GNAT3: variants seen among roughly 807,000 people sequenced by gnomAD.
GNAT3 encodes G protein subunit alpha transducin 3, also known as guanine nucleotide-binding protein G(t) subunit alpha-3.
In GNAT3, 31 loss-of-function variants were observed where a neutral mutation model predicts 37.7. That is an observed-to-expected ratio of 0.82 (90% CI 0.62 to 1.11). GNAT3 has a LOEUF of 1.11. Ranked by LOEUF, GNAT3 falls within the 50% of genes most tolerant of loss-of-function variation. The pLI is 0.00. For synonymous variants in GNAT3, 138 were observed against 139.8 expected (o/e 0.99, Z 0.09); for missense variants, 437 against 412.5 (o/e 1.06, Z -0.51).
intron 5 of GNAT3, among the ~76,000 whole-genome samples, chr7:80,470,161 T>C (rs1790185306): frequency 1.3e-5 from 2 of 152,144 alleles, no homozygotes; most frequent in Admixed American, 6.6e-5. Context: ...AAAAACAAGC[T>C]TGATACCTGT....
At chr7:80,497,599 T>TATAC (rs1562732863) in intron 1 of GNAT3, among the ~76,000 whole-genome samples, 1 of 119,904 alleles carries the variant, frequency 8.3e-6, no homozygotes, top group African/African-American at 4.6e-5. Flanking sequence ...TATACGTATA[T>TATAC]ACATATACGT....
chr7:80,488,467 T>C, intron 3 of GNAT3, 68 bp downstream of exon 3: 1 of 1,291,956 alleles, frequency 7.7e-7, no homozygotes, highest in South Asian at 1.4e-5. Context: ...ATGAACTTAT[T>C]AAGTCCTCTT....
chr7:80,474,466 T>C (rs2116161999), intron 4 of GNAT3, 87 bp from the exon 5 acceptor site: 5 of 539,798 alleles, frequency 9.3e-6, no homozygotes. Flanking sequence ...TACATACATA[T>C]ATATGTGTGT....
At chr7:80,495,731 T>G (rs1215377929) in intron 1 of GNAT3, among the ~76,000 whole-genome samples, 1 of 152,108 alleles carries the variant, frequency 6.6e-6, no homozygotes, top group Non-Finnish European at 1.5e-5. Context: ...CCTCCCAAAG[T>G]GCAGGATTAC....
chr7:80,488,674 A>T lies in GNAT3; in HGVS notation c.164T>A (p.Ile55Asn). The change falls in exon 3 of 8, where the codon ATC (isoleucine) becomes AAC (asparagine). Residue 55 changes from isoleucine to asparagine, a missense_variant and splice_region_variant. Ile to Asn is a moderately radical substitution (Grantham distance 149). Coordinates refer to ENST00000398291, the MANE Select transcript of GNAT3 (RefSeq NM_001102386.3). ...GKSTIVKQMK[I>N]IHKNGYSEQE... ...CTCACTGTAACCATTCTTATGGATG[A>T]TCCTATAATTTAAACATGAAAAGTT... The T allele has an allele frequency of 1.3e-6, 2 of 1,568,150 alleles. No individual in the cohort carries two copies. The highest frequency in any genetic ancestry group is 1.7e-6 in the Non-Finnish European group (2 of 1,153,100).
chr7:80,471,585 G>A (rs1483167859), intron 5 of GNAT3, among the ~76,000 whole-genome samples: 1 of 151,876 alleles, frequency 6.6e-6, no homozygotes, highest in South Asian at 2.1e-4. Flanking sequence ...TCCCCAAAAG[G>A]CTGTCATTTT....
intron 5 of GNAT3, among the ~76,000 whole-genome samples, chr7:80,469,076 T>C (rs146889193): frequency 2.6e-4 from 39 of 152,246 alleles, no homozygotes; most frequent in African/African-American, 9.1e-4. Flanking sequence ...ATGTAGCTGC[T>C]GGATGGACAG....
At chr7:80,488,443 T>C in intron 3 of GNAT3, 92 bp downstream of exon 3, 1 of 880,696 alleles carries the variant, frequency 1.1e-6, no homozygotes, top group Non-Finnish European at 1.6e-6. Flanking sequence ...AAATTTTGGA[T>C]ATAGATTAAT....
intron 5 of GNAT3, among the ~76,000 whole-genome samples, chr7:80,463,103 T>A (rs905006780): frequency 3.3e-5 from 5 of 152,146 alleles, no homozygotes; most frequent in African/African-American, 1.2e-4. Context: ...CTGTGCTAGG[T>A]CTACTAGCAC....
chr7:80,467,352 G>T (rs185091607), intron 5 of GNAT3, among the ~76,000 whole-genome samples: 1 of 152,220 alleles, frequency 6.6e-6, no homozygotes, highest in East Asian at 1.9e-4. Flanking sequence ...TGACGTAGGA[G>T]ACATAGGTCC....
At chr7:80,480,589 G>A (rs1028459551) in intron 3 of GNAT3, among the ~76,000 whole-genome samples, 20 of 152,128 alleles carry the variant, frequency 1.3e-4, no homozygotes, top group African/African-American at 4.6e-4. Flanking sequence ...GAGCAGCCCC[G>A]AGGGCTGCTG....
intron 1 of GNAT3, among the ~76,000 whole-genome samples, chr7:80,499,951 G>T (rs947416016): frequency 6.6e-6 from 1 of 152,094 alleles, no homozygotes; most frequent in Non-Finnish European, 1.5e-5. Context: ...TCTATTATTT[G>T]AAGAATGTGC....
chr7:80,510,554 G>A (rs1473140219), intron 1 of GNAT3, among the ~76,000 whole-genome samples: 2 of 152,052 alleles, frequency 1.3e-5, no homozygotes, highest in Non-Finnish European at 2.9e-5. Context: ...CTCTTGCTCA[G>A]AAACTAACAG....
At chr7:80,479,067 T>A in intron 3 of GNAT3, 69 bp from the exon 4 acceptor site, 2 of 1,038,464 alleles carry the variant, frequency 1.9e-6, no homozygotes, top group Non-Finnish European at 2.8e-6. Context: ...TCTAATAGAG[T>A]AATTTACTGG....
chr7:80,465,432 G>A (rs142821826), intron 5 of GNAT3, among the ~76,000 whole-genome samples: 6 of 152,210 alleles, frequency 3.9e-5, no homozygotes, highest in Non-Finnish European at 5.9e-5. Flanking sequence ...TGCAAGGTAG[G>A]TAAGTTTAGC....
At chr7:80,489,733 A>G (rs1790556086) in intron 2 of GNAT3, among the ~76,000 whole-genome samples, 2 of 152,118 alleles carry the variant, frequency 1.3e-5, no homozygotes, top group Non-Finnish European at 2.9e-5. Context: ...TAACTTACAT[A>G]AGTAAATAAA....
chr7:80,459,771 A>G (rs1296550730), intron 7 of GNAT3, among the ~76,000 whole-genome samples: 1 of 152,228 alleles, frequency 6.6e-6, no homozygotes, highest in Non-Finnish European at 1.5e-5. Context: ...TTGTAACTAG[A>G]AACAAAATTC....
intron 4 of GNAT3, among the ~76,000 whole-genome samples, chr7:80,478,261 C>T (rs140887241): frequency 7.5e-4 from 114 of 152,310 alleles, no homozygotes; most frequent in African/African-American, 2.7e-3. Context: ...AATAGTGTCA[C>T]AAGCCCCTAA....
intron 4 of GNAT3, among the ~76,000 whole-genome samples, chr7:80,475,658 G>C (rs1237347627): frequency 1.3e-5 from 2 of 151,978 alleles, no homozygotes; most frequent in African/African-American, 4.8e-5. Flanking sequence ...CTGAGAAGCT[G>C]TTACGCCTTA....
Sources: gnomAD v4.1 joint callset for allele counts (sites outside exome capture counted in the v4.1 genomes callset) on GRCh38, gnomAD v4.1.1 for gene constraint, MANE v1.5 for transcripts, NCBI Gene and HGNC (gene_info 2026-07-23, HGNC 2026-07-21) for gene names.